NDST4: variants seen among roughly 807,000 people sequenced by gnomAD.
NDST4 encodes N-deacetylase and N-sulfotransferase 4, also known as N-heparan sulfate sulfotransferase 4.
NDST4 carries 63 observed loss-of-function variants against 100.8 expected under a neutral mutation model. The ratio of observed to expected loss-of-function variants is 0.62; its 90% CI spans 0.51 to 0.77. The LOEUF (loss-of-function observed/expected upper bound fraction) is 0.77, where lower values mean the gene tolerates loss of function less well. Among genes scored for constraint, NDST4 ranks in the 30% least tolerant of loss-of-function variants. NDST4 has a pLI of 0.00. For missense variants in NDST4, 943 were observed against 1,018.4 expected (o/e 0.93, Z 1.01); for synonymous variants, 377 against 361.8 (o/e 1.04, Z -0.48).
At chr4:115,032,443 T>G (rs528168139) in intron 2 of NDST4, among the ~76,000 whole-genome samples, 13 of 152,256 alleles carry the variant, frequency 8.5e-5, no homozygotes, top group Admixed American at 2.6e-4. Flanking sequence ...GGTTACTCTA[T>G]GTAACTAGAC....
intron 4 of NDST4, among the ~76,000 whole-genome samples, chr4:114,965,882 AT>A (rs1316946840): frequency 6.6e-6 from 1 of 151,704 alleles, no homozygotes; most frequent in Non-Finnish European, 1.5e-5. Context: ...AGTTTTGGTA[AT>A]TTTTTTTATT....
intron 2 of NDST4, among the ~76,000 whole-genome samples, chr4:115,040,520 G>A (rs982800443): frequency 6.6e-6 from 1 of 150,502 alleles, no homozygotes; most frequent in African/African-American, 2.5e-5. Context: ...TAGGAGAAAG[G>A]AGATACAAAA....
chr4:115,077,739 A>G (rs770868896), intron 1 of NDST4, among the ~76,000 whole-genome samples: 1 of 152,154 alleles, frequency 6.6e-6, no homozygotes, highest in African/African-American at 2.4e-5. Flanking sequence ...TTCCCAGCTG[A>G]CTAAATAAAT....
At chr4:115,021,771 C>A (rs1727831798) in intron 2 of NDST4, among the ~76,000 whole-genome samples, 1 of 150,250 alleles carries the variant, frequency 6.7e-6, no homozygotes, top group Admixed American at 6.6e-5. Flanking sequence ...CACATCTATA[C>A]ACATTCCATA....
intron 2 of NDST4, among the ~76,000 whole-genome samples, chr4:114,986,498 G>T (rs1265762584): frequency 6.6e-6 from 1 of 152,004 alleles, no homozygotes; most frequent in Admixed American, 6.6e-5. Flanking sequence ...CTCTCCCTGA[G>T]ATCAGAAAAT....
chr4:115,091,754 A>G (rs1217627473), intron 1 of NDST4, among the ~76,000 whole-genome samples: 1 of 152,178 alleles, frequency 6.6e-6, no homozygotes, highest in African/African-American at 2.4e-5. Context: ...GCAATGAAGT[A>G]TACTCAGATT....
At chr4:114,872,599 C>A (rs894056836) in intron 6 of NDST4, among the ~76,000 whole-genome samples, 1 of 151,984 alleles carries the variant, frequency 6.6e-6, no homozygotes, top group Non-Finnish European at 1.5e-5. Flanking sequence ...GCTTTAATGT[C>A]TCTAACTTAG....
Position 114,977,069 on chromosome 4 carries a change from A to ACT in NDST4, c.1066+117_1066+118insAG, listed in dbSNP as rs1726654823. ...GATTTTGGATTTGGCTACTCAAATA[A>ACT]TGTGCCCAAGTTTTTCCCATAATCA... On this transcript the variant is annotated intron_variant, in intron 3 of 13. Coordinates refer to ENST00000264363, the MANE Select transcript of NDST4 (RefSeq NM_022569.3). 3 of 676,750 alleles carry ACT rather than the reference A, an allele frequency of 4.4e-6. No homozygotes were observed. The African/African-American group carries it at 5.5e-5, about 12-fold the overall frequency. The allele number at this position is 676,750 out of a possible 1,614,324, so 41.9% of individuals were successfully genotyped here.
At chr4:114,933,456 T>TTTTTTA (rs1337610741) in intron 6 of NDST4, among the ~76,000 whole-genome samples, 2 of 133,424 alleles carry the variant, frequency 1.5e-5, no homozygotes, top group South Asian at 2.4e-4. Flanking sequence ...TTTTTTTTTG[T>TTTTTTA]GTGTAAAAAC....
chr4:114,944,607 A>C (rs927516007), intron 4 of NDST4, among the ~76,000 whole-genome samples: 39 of 152,204 alleles, frequency 2.6e-4, no homozygotes, highest in African/African-American at 9.4e-4. Flanking sequence ...AGATCCTAGG[A>C]ACACAGATTA....
chr4:115,109,910 AGTTAT>A (rs1230493491), intron 1 of NDST4, among the ~76,000 whole-genome samples: 1 of 151,944 alleles, frequency 6.6e-6, no homozygotes, highest in Non-Finnish European at 1.5e-5. Flanking sequence ...AAATACATTA[AGTTAT>A]ATCAGCAAAC....
chr4:114,958,379 T>C (rs1293655419), intron 4 of NDST4, among the ~76,000 whole-genome samples: 1 of 147,774 alleles, frequency 6.8e-6, no homozygotes, highest in Non-Finnish European at 1.5e-5. Flanking sequence ...TGTAACATGT[T>C]CCTCATCTCC....
intron 2 of NDST4, among the ~76,000 whole-genome samples, chr4:114,982,979 C>T (rs1167692908): frequency 6.6e-6 from 1 of 152,186 alleles, no homozygotes; most frequent in African/African-American, 2.4e-5. Context: ...AAGCTCCAAG[C>T]CTTGGTGGCT....
At chr4:114,899,658 G>T (rs993855600) in intron 6 of NDST4, among the ~76,000 whole-genome samples, 1 of 152,026 alleles carries the variant, frequency 6.6e-6, no homozygotes, top group Admixed American at 6.6e-5. Context: ...GTTTTCCAAT[G>T]ATGAGCCAGC....
chr4:115,100,600 T>A (rs557068178), intron 1 of NDST4, among the ~76,000 whole-genome samples: 1 of 152,222 alleles, frequency 6.6e-6, no homozygotes, highest in South Asian at 2.1e-4. Context: ...GAAGCACAGT[T>A]TAAGAGCCAC....
At chr4:114,896,331 A>G (rs1459859652) in intron 6 of NDST4, among the ~76,000 whole-genome samples, 1 of 151,854 alleles carries the variant, frequency 6.6e-6, no homozygotes, top group Non-Finnish European at 1.5e-5. Flanking sequence ...CTGTTAAATT[A>G]TTTGCTTTTG....
At chr4:114,976,685 AGGGAAAAAAT>A (rs1726640848) in intron 3 of NDST4, among the ~76,000 whole-genome samples, 1 of 151,952 alleles carries the variant, frequency 6.6e-6, no homozygotes, top group Non-Finnish European at 1.5e-5. Flanking sequence ...ATATTGTTTT[AGGGAAAAAAT>A]CCTGCAAGTG....
At chr4:114,959,197 C>G (rs1462594312) in intron 4 of NDST4, among the ~76,000 whole-genome samples, 1 of 152,150 alleles carries the variant, frequency 6.6e-6, no homozygotes, top group Non-Finnish European at 1.5e-5. Flanking sequence ...TAGGAAGTTT[C>G]AAAATTTCCA....
chr4:114,984,164 A>C (rs1254895963), intron 2 of NDST4, among the ~76,000 whole-genome samples: 2 of 150,896 alleles, frequency 1.3e-5, no homozygotes, highest in African/African-American at 4.9e-5. Flanking sequence ...TTATTTATTT[A>C]TTTATTTATT....
Sources: allele counts gnomAD v4.1 joint callset (sites outside exome capture counted in the v4.1 genomes callset), GRCh38; gene constraint gnomAD v4.1.1; transcripts MANE v1.5; gene names NCBI Gene and HGNC (gene_info 2026-07-23, HGNC 2026-07-21).